The following GLIS3 variants were observed in gnomAD, a reference collection of about 807,000 sequenced individuals.
The protein encoded by GLIS3 is GLIS family zinc finger 3.
Under a neutral mutation model 78.6 loss-of-function variants are expected in GLIS3, and 53 were observed. The ratio of observed to expected loss-of-function variants is 0.67; its 90% confidence interval spans 0.54 to 0.85. The LOEUF (loss-of-function observed/expected upper bound fraction) is 0.85, where lower values mean the gene tolerates loss of function less well. Among genes scored for constraint, GLIS3 ranks in the 40% least tolerant of loss-of-function variants. The pLI, the probability that GLIS3 is intolerant of heterozygous loss-of-function variation, is 0.00. For synonymous variants in GLIS3, 684 were observed against 509.9 expected, an observed-to-expected ratio of 1.34 and a Z score of -4.60; for missense variants, 1,703 against 1,231.1, an observed-to-expected ratio of 1.38 and a Z score of -5.74.
intron 2 of GLIS3, among the ~76,000 whole-genome samples, chr9:4,236,292 C>G (rs1822747339): frequency 6.6e-6 from 1 of 151,196 alleles, no homozygotes; most frequent in African/African-American, 2.4e-5. Flanking sequence ...CCTGAATGAT[C>G]TCATGCCCTA....
chr9:4,131,812 T>C (rs182295320), intron 2 of GLIS3, among the ~76,000 whole-genome samples: 41 of 152,238 alleles, frequency 2.7e-4, no homozygotes, highest in African/African-American at 7.5e-4. Flanking sequence ...ACAACATACA[T>C]AGAGGACTCA....
At chr9:4,451,314 A>G in the GLIS3 span, among the ~76,000 whole-genome samples, 1 of 152,216 alleles carries the variant, frequency 6.6e-6, no homozygotes, top group African/African-American at 2.4e-5. Flanking sequence ...CTAAATATAT[A>G]TAGACCCAAT....
intron 6 of GLIS3, among the ~76,000 whole-genome samples, chr9:3,904,292 A>G (rs1823515325): frequency 6.6e-6 from 1 of 152,218 alleles, no homozygotes; most frequent in African/African-American, 2.4e-5. Context: ...GACTCATCCA[A>G]TCAGTGAAAA....
chr9:4,365,496 C>T, the GLIS3 span, among the ~76,000 whole-genome samples: 1 of 151,846 alleles, frequency 6.6e-6, no homozygotes, highest in Non-Finnish European at 1.5e-5. Context: ...GTGGAGGTTG[C>T]AGTCAGCCAA....
chr9:4,173,938 GCACGCACA>G (rs1816602282), intron 2 of GLIS3, among the ~76,000 whole-genome samples: 5 of 148,642 alleles, frequency 3.4e-5, no homozygotes, highest in Admixed American at 6.7e-5. Flanking sequence ...ACACACGCAC[GCACGCACA>G]CACGCATTTC....
chr9:4,444,084 C>T, the GLIS3 span, among the ~76,000 whole-genome samples: 37 of 152,258 alleles, frequency 2.4e-4, no homozygotes, highest in African/African-American at 7.9e-4. Context: ...AGAAGAGTAA[C>T]CTCTTGATCT....
At chr9:4,453,713 C>G in the GLIS3 span, among the ~76,000 whole-genome samples, 1 of 152,146 alleles carries the variant, frequency 6.6e-6, no homozygotes, top group African/African-American at 2.4e-5. Context: ...ATGGATGAAG[C>G]TGGAAACCAT....
chr9:4,446,365 A>G, the GLIS3 span, among the ~76,000 whole-genome samples: 83,657 of 151,986 alleles, frequency 0.55, 23,905 homozygotes, highest in South Asian at 0.72. Context: ...ACCAGACACT[A>G]AATCTGCTGA....
At chr9:3,915,497 G>A (rs1020427836) in intron 6 of GLIS3, among the ~76,000 whole-genome samples, 1 of 152,150 alleles carries the variant, frequency 6.6e-6, no homozygotes, top group Admixed American at 6.5e-5. Flanking sequence ...GGTATTATCA[G>A]CCTTGCATGT....
At chr9:3,868,817 GTATACAACACTTGTTGTACATAGTGTT>G (rs1396835385) in intron 8 of GLIS3, among the ~76,000 whole-genome samples, 1 of 316 alleles carries the variant, frequency 3.2e-3, no homozygotes, top group African/African-American at 7.5e-3. Context: ...CTTAGCTTTT[GTATACAACACTTGTTGTACATAGTGTT>G]GTATACAACA....
chr9:3,959,036 A>G (rs1156949786), intron 4 of GLIS3, among the ~76,000 whole-genome samples: 1 of 152,238 alleles, frequency 6.6e-6, no homozygotes, highest in Non-Finnish European at 1.5e-5. Flanking sequence ...TAGGCACTCT[A>G]TGAATATGGG....
At chr9:4,424,299 G>A in the GLIS3 span, among the ~76,000 whole-genome samples, 1 of 152,058 alleles carries the variant, frequency 6.6e-6, no homozygotes, top group Non-Finnish European at 1.5e-5. Flanking sequence ...AAGTCTCTAT[G>A]GGCGTCTGTT....
upstream of GLIS3, among the ~76,000 whole-genome samples, chr9:4,302,273 T>G (rs1024148228): frequency 2.0e-5 from 3 of 152,142 alleles, no homozygotes; most frequent in Non-Finnish European, 1.5e-5. Context: ...GCCAGATAGG[T>G]GGGAACTGCA....
chr9:3,908,635 G>T (rs1051070428), intron 6 of GLIS3, among the ~76,000 whole-genome samples: 1 of 150,254 alleles, frequency 6.7e-6, no homozygotes, highest in African/African-American at 2.5e-5. Context: ...AATTTGAGCT[G>T]CTTCCCTAAC....
chr9:4,030,889 A>C (rs1351573891), intron 4 of GLIS3, among the ~76,000 whole-genome samples: 3 of 152,212 alleles, frequency 2.0e-5, no homozygotes, highest in East Asian at 3.8e-4. Context: ...ACATTATCAA[A>C]AGCTGCTCAA....
At chr9:4,133,409 A>G (rs2130946672) in intron 2 of GLIS3, among the ~76,000 whole-genome samples, 1 of 152,230 alleles carries the variant, frequency 6.6e-6, no homozygotes, top group East Asian at 1.9e-4. Context: ...GTTATCACCA[A>G]CTAGGGTTGG....
At chr9:4,081,829 T>A (rs1046015752) in intron 4 of GLIS3, among the ~76,000 whole-genome samples, 1 of 152,230 alleles carries the variant, frequency 6.6e-6, no homozygotes, top group African/African-American at 2.4e-5. Context: ...TACAAGCAAT[T>A]CTACAATCAT....
intron 7 of GLIS3, chr9:3,898,347 A>G (rs1038588910): frequency 2.3e-5 from 8 of 341,522 alleles, no homozygotes; most frequent in African/African-American, 6.4e-5. Context: ...TAAGAAATCC[A>G]CACGCAGCCT....
chr9:3,863,390 A>G (rs1588111591), intron 8 of GLIS3, among the ~76,000 whole-genome samples: 1 of 152,210 alleles, frequency 6.6e-6, no homozygotes, highest in African/African-American at 2.4e-5. Context: ...TAAAGAAGAA[A>G]CAGCCGCTGG....
Sources: gnomAD v4.1 joint callset for allele counts (sites outside exome capture counted in the v4.1 genomes callset) on GRCh38, gnomAD v4.1.1 for gene constraint, MANE v1.5 for transcripts, NCBI Gene and HGNC (gene_info 2026-07-23, HGNC 2026-07-21) for gene names.